AK7: variants seen among roughly 807,000 people sequenced by gnomAD.
AK7 encodes the protein ATP-AMP transphosphorylase 7.
A neutral mutation model predicts 96.6 loss-of-function variants in AK7; 78 were observed. The ratio of observed to expected loss-of-function variants is 0.81; its 90% CI spans 0.67 to 0.97. The LOEUF (loss-of-function observed/expected upper bound fraction) is 0.97, where lower values mean the gene tolerates loss of function less well. Ranked by LOEUF, AK7 falls within the 50% of genes least tolerant of loss-of-function variation. The pLI, the probability that AK7 is intolerant of heterozygous loss-of-function variation, is 0.00. For missense variants in AK7, 855 were observed against 887.9 expected, an observed-to-expected ratio of 0.96 and a Z score of 0.47; for synonymous variants, 302 against 317.2, an observed-to-expected ratio of 0.95 and a Z score of 0.51.
chr14:96,457,517 C>T (rs1374686899), intron 11 of AK7, among the ~76,000 whole-genome samples: 1 of 152,152 alleles, frequency 6.6e-6, no homozygotes, highest in Non-Finnish European at 1.5e-5. Context: ...GAAAACACAA[C>T]ACTCTACAGG....
At chr14:96,427,809 C>CT (rs927816502) in intron 5 of AK7, among the ~76,000 whole-genome samples, 1 of 151,848 alleles carries the variant, frequency 6.6e-6, no homozygotes, top group African/African-American at 2.4e-5. Context: ...CATTGTTTTT[C>CT]TTTTTTTGTC....
chr14:96,469,064 C>T (rs1444955406), intron 12 of AK7, among the ~76,000 whole-genome samples: 2 of 152,052 alleles, frequency 1.3e-5, no homozygotes, highest in African/African-American at 4.8e-5. Flanking sequence ...AAAAATGCTG[C>T]TGGAGGTCCC....
At chr14:96,409,393 G>A (rs770776892) in intron 4 of AK7, among the ~76,000 whole-genome samples, 5 of 152,240 alleles carry the variant, frequency 3.3e-5, no homozygotes, top group Admixed American at 1.3e-4. Context: ...CCAACATGGC[G>A]AAACCCTGTC....
At chr14:96,462,311 G>C (rs1339247359) in intron 12 of AK7, among the ~76,000 whole-genome samples, 2 of 152,174 alleles carry the variant, frequency 1.3e-5, no homozygotes, top group Non-Finnish European at 2.9e-5. Flanking sequence ...ACTTTCTCAA[G>C]TGTGTCCAAA....
At chr14:96,411,967 A>G (rs974453489) in intron 4 of AK7, among the ~76,000 whole-genome samples, 2 of 152,200 alleles carry the variant, frequency 1.3e-5, no homozygotes, top group African/African-American at 4.8e-5. Context: ...AAATTCTCCT[A>G]CTTTCCTCTC....
intron 7 of AK7, among the ~76,000 whole-genome samples, chr14:96,444,963 C>T (rs1243943017): frequency 2.0e-5 from 3 of 152,226 alleles, no homozygotes; most frequent in Non-Finnish European, 2.9e-5. Flanking sequence ...GGTGATCCAT[C>T]CGCCTCAGCC....
chr14:96,478,942 T>A (rs970779706), intron 15 of AK7, among the ~76,000 whole-genome samples: 16 of 151,032 alleles, frequency 1.1e-4, no homozygotes, highest in African/African-American at 3.9e-4. Context: ...GGAGTCTCGC[T>A]CAGTTGCCCA....
rs1203030979 is a variant in AK7 at position 96,404,868 on chromosome 14, C to T, written c.403+3C>T. On this transcript the variant is annotated splice_donor_region_variant and intron_variant, in intron 3 of 17. Coordinates refer to ENST00000267584, the MANE Select transcript of AK7 (RefSeq NM_152327.5). Reference sequence around the variant, plus strand: ...GGAAGCCATCTGGGCAGTCTCTGGTCAGTGAGGTGTACTCTTTTATCTCCA... The same window carrying T: ...GGAAGCCATCTGGGCAGTCTCTGGTTAGTGAGGTGTACTCTTTTATCTCCA... The T allele has an allele frequency of 1.3e-6, 2 of 1,597,232 alleles. No individual in the cohort carries two copies.
In AK7 at chr14:96,392,820, G is replaced by A. The variant is rs192521294; in HGVS notation, c.105+561G>A. ...TGGGACTACAGGCGCCCGACACCGC[G>A]CCCGGCTAATTTTTTGTATTTTTAG... On this transcript the variant is annotated intron_variant, in intron 1 of 17. Transcript: ENST00000267584. 4.0e-3 allele frequency among the ~76,000 whole-genome samples: 609 copies of A among 151,778 alleles called. 22 individuals carry two copies. The South Asian group carries it at 0.058, about 15-fold the overall frequency.
chr14:96,394,568 G>A (rs1595362068), intron 1 of AK7, among the ~76,000 whole-genome samples: 1 of 152,218 alleles, frequency 6.6e-6, no homozygotes, highest in South Asian at 2.1e-4. Context: ...GTGGAGCAGA[G>A]GCCAGCACAG....
intron 2 of AK7, among the ~76,000 whole-genome samples, chr14:96,403,960 C>T (rs1268609897): frequency 1.3e-5 from 2 of 151,846 alleles, no homozygotes; most frequent in Admixed American, 6.6e-5. Flanking sequence ...GCCTGGCCAA[C>T]ATGGTGAAAC....
intron 14 of AK7, among the ~76,000 whole-genome samples, chr14:96,476,673 C>T (rs182827087): frequency 1.3e-5 from 2 of 152,102 alleles, no homozygotes. Flanking sequence ...TGAGATACTG[C>T]AGAATCTTGA....
intron 15 of AK7, among the ~76,000 whole-genome samples, chr14:96,479,383 CTCT>C (rs1157702666): frequency 1.4e-5 from 2 of 140,826 alleles, no homozygotes; most frequent in African/African-American, 2.8e-5. Flanking sequence ...GGCCGACAAA[CTCT>C]TTTTTTTTTT....
At chr14:96,464,882 C>A (rs1393176487) in intron 12 of AK7, among the ~76,000 whole-genome samples, 2 of 152,106 alleles carry the variant, frequency 1.3e-5, no homozygotes, top group African/African-American at 2.4e-5. Flanking sequence ...TGTCACCCAG[C>A]AGGTTTGGCT....
intron 12 of AK7, among the ~76,000 whole-genome samples, chr14:96,467,481 G>T (rs528849949): frequency 6.6e-6 from 1 of 151,836 alleles, no homozygotes; most frequent in Non-Finnish European, 1.5e-5. Context: ...GACTACAGGC[G>T]CACGCCACCA....
At position 96,451,422 on chromosome 14, in the gene AK7, A is replaced by C. The variant is rs774939631; in HGVS notation, c.950A>C (p.Gln317Pro). ...CTCTAATTGTCCTCTATCTTTCAGC[A>C]AGATTGTCTTGACCATTTACTGGTC... ...ENAYLTKDLT[Q>P]DCLDHLLVNL... Residue 317 changes from glutamine (Q) to proline (P), a missense_variant and splice_region_variant, in exon 10 of 18, where the codon CAA (glutamine) becomes CCA (proline). Transcript: ENST00000267584. 1.5e-5 allele frequency: 23 copies of C among 1,561,564 alleles called. No homozygotes were observed. Among genetic ancestry groups the C allele is most frequent in the Non-Finnish European group, 2.0e-5 (23 of 1,150,692 alleles).
chr14:96,464,544 CAAAA>C (rs375649324), intron 12 of AK7, among the ~76,000 whole-genome samples: 6 of 57,662 alleles, frequency 1.0e-4, no homozygotes, highest in African/African-American at 3.0e-4. Flanking sequence ...GACCCTGTCC[CAAAA>C]AAAAAAAAAA....
chr14:96,488,208 T>C, intron 17 of AK7, 97 bp from the exon 18 acceptor site: 3 of 1,200,450 alleles, frequency 2.5e-6, no homozygotes, highest in Non-Finnish European at 3.6e-6. Context: ...CCACCAAGCT[T>C]GGCCCAGGAT....
At position 96,404,882 on chromosome 14, in the gene AK7, CT is replaced by C. The variant is rs776780661; in HGVS notation, c.403+21del. 6.4e-7 allele frequency: 1 copy of C among 1,558,984 alleles called. No homozygotes were observed. The highest frequency in any genetic ancestry group is 8.8e-7 in the Non-Finnish European group (1 of 1,133,136). On this transcript the variant is annotated intron_variant, in intron 3 of 17. Coordinates refer to ENST00000267584, the MANE Select transcript of AK7 (RefSeq NM_152327.5). ...CAGTCTCTGGTCAGTGAGGTGTACTCTTTTATCTCCAGGGATGCTATTGTAG... is the reference window on the plus strand; with the variant it reads ...CAGTCTCTGGTCAGTGAGGTGTACTCTTTATCTCCAGGGATGCTATTGTAG...
Sources: gnomAD v4.1 joint callset for allele counts (sites outside exome capture counted in the v4.1 genomes callset) on GRCh38, gnomAD v4.1.1 for gene constraint, MANE v1.5 for transcripts, NCBI Gene and HGNC (gene_info 2026-07-23, HGNC 2026-07-21) for gene names.